SLC4A8: variants seen among roughly 807,000 people sequenced by gnomAD.
SLC4A8 encodes solute carrier family 4 member 8.
A neutral mutation model predicts 125.0 loss-of-function variants in SLC4A8; 40 were observed. The observed-to-expected ratio is 0.32, with a 90% CI of 0.25 to 0.42. SLC4A8 has a LOEUF of 0.42. SLC4A8 is among the 10% of genes least tolerant of loss of function. The pLI, the probability that SLC4A8 is intolerant of heterozygous loss-of-function variation, is 1.00. For synonymous variants in SLC4A8, 456 were observed against 476.0 expected, an observed-to-expected ratio of 0.96 and a Z score of 0.55; for missense variants, 863 against 1,355.1, an observed-to-expected ratio of 0.64 and a Z score of 5.70.
chr12:51,476,810 C>T (rs544000855), intron 16 of SLC4A8, among the ~76,000 whole-genome samples: 28 of 150,576 alleles, frequency 1.9e-4, no homozygotes, highest in African/African-American at 6.9e-4. Flanking sequence ...AGCCATTGGG[C>T]GGGGCATTAT....
chr12:51,455,241 T>C (rs1299098541), intron 5 of SLC4A8, among the ~76,000 whole-genome samples: 1 of 151,434 alleles, frequency 6.6e-6, no homozygotes, highest in African/African-American at 2.4e-5. Context: ...TGATCTCTCT[T>C]GCTTTTCCCC....
chr12:51,493,505 A>T (rs552575791), intron 19 of SLC4A8, among the ~76,000 whole-genome samples, 199 bp from the exon 20 acceptor site: 2 of 152,148 alleles, frequency 1.3e-5, no homozygotes, highest in East Asian at 3.9e-4. Flanking sequence ...TCATTTCAGA[A>T]CCAAATGATT....
At chr12:51,457,681 G>A in intron 6 of SLC4A8, 142 bp downstream of exon 6, 1 of 714,312 alleles carries the variant, frequency 1.4e-6, no homozygotes, top group Non-Finnish European at 2.3e-6. Context: ...TTTGGAGACT[G>A]GTAAGATTGG....
rs1455955932 is a variant in SLC4A8 at position 51,511,089 on chromosome 12, T to C, written c.*3651T>C. 3 of 152,220 alleles carry C rather than the reference T, an allele frequency of 2.0e-5. No individual in the cohort carries two copies. The highest frequency in any genetic ancestry group is 4.4e-5 in the Non-Finnish European group (3 of 68,044). The allele number at this position is 152,220 out of a possible 1,614,324, so 9.4% of individuals were successfully genotyped here. On this transcript the variant is annotated 3_prime_UTR_variant, in exon 25 of 25. Transcript: ENST00000453097. The stretch of plus-strand genomic sequence containing the variant: ...ATTTCCCATTGTTCATCTGTGAATG[T>C]TGATTGGCCAACCTGTCTGAGCTTT...
At chr12:51,424,759 C>G (rs909133669), upstream of SLC4A8, 3 of 492,330 alleles carry the variant, frequency 6.1e-6, no homozygotes, top group African/African-American at 2.0e-5. Context: ...TACCGCCGGA[C>G]AGCGTCCTCC....
chr12:51,465,095 G>C (rs1051376699), intron 11 of SLC4A8, among the ~76,000 whole-genome samples: 4 of 152,166 alleles, frequency 2.6e-5, no homozygotes, highest in African/African-American at 9.7e-5. Context: ...GGGAGGCCTG[G>C]TATTGAGAGG....
rs111404295 is a variant in SLC4A8, at chr12:51,448,966, G to A, written c.131-1910G>A. Among the ~76,000 whole-genome samples, 180 of 152,258 alleles carry A rather than the reference G, an allele frequency of 1.2e-3. 1 individual carries two copies. The highest frequency in any genetic ancestry group is 4.2e-3 in the African/African-American group (173 of 41,556). ...GGGAAGGTTTCTTTTTAAGAAGTCAGGAGAAACCTATGGCAGGGATGGATG... is the reference window on the plus strand; with the variant it reads ...GGGAAGGTTTCTTTTTAAGAAGTCAAGAGAAACCTATGGCAGGGATGGATG... On this transcript the variant is annotated intron_variant, in intron 2 of 24. Transcript: ENST00000453097.
At chr12:51,463,557 T>G in intron 10 of SLC4A8, 57 bp from the exon 11 acceptor site, 1 of 1,334,714 alleles carries the variant, frequency 7.5e-7, no homozygotes. Flanking sequence ...TCCCTGCTGA[T>G]AGCAGGACGA....
intron 2 of SLC4A8, among the ~76,000 whole-genome samples, chr12:51,446,414 G>C (rs943264868): frequency 1.3e-5 from 2 of 152,240 alleles, no homozygotes; most frequent in Non-Finnish European, 2.9e-5. Flanking sequence ...TTGGAAAACA[G>C]AGAGGGCAAA....
At chr12:51,474,660 C>T in intron 15 of SLC4A8, 1 of 817,596 alleles carries the variant, frequency 1.2e-6, no homozygotes, top group South Asian at 2.2e-5. Flanking sequence ...CTCCCCCCTA[C>T]ATCCTACCCA....
At chr12:51,416,042 A>G in intron 1 of SLC4A8, among the ~76,000 whole-genome samples, 2 of 151,688 alleles carry the variant, frequency 1.3e-5, no homozygotes, top group South Asian at 4.2e-4. Context: ...TACTTGGTAT[A>G]CCTTTGCTCA....
chr12:51,493,777 T>C lies in SLC4A8; in HGVS notation c.2769+5T>C. On this transcript the variant is annotated splice_donor_5th_base_variant and intron_variant, in intron 20 of 24. Transcript: ENST00000453097. The stretch of plus-strand genomic sequence containing the variant: ...TCTTCACTACAGGGAATTCAGGTAT[T>C]GTATGGTTCAGCCAGGGCAGTTTCT... 6.3e-7 allele frequency: 1 copy of C among 1,586,900 alleles called. No homozygotes were observed. Among genetic ancestry groups the C allele is most frequent in the Non-Finnish European group, 8.7e-7 (1 of 1,155,082 alleles).
chr12:51,463,510 G>T, intron 10 of SLC4A8, 104 bp from the exon 11 acceptor site: 1 of 720,258 alleles, frequency 1.4e-6, no homozygotes. Context: ...TACAAACACG[G>T]GCATTTTTGG....
chr12:51,485,767 C>A lies in SLC4A8; in HGVS notation c.2173-20C>A, dbSNP rs368064061. 2.1e-6 allele frequency: 3 copies of A among 1,396,300 alleles called. No individual in the cohort carries two copies. Among genetic ancestry groups the A allele is most frequent in the African/African-American group, 2.8e-5 (2 of 70,648 alleles). The allele number at this position is 1,396,300 out of a possible 1,614,324, so 86.5% of individuals were successfully genotyped here. On this transcript the variant is annotated intron_variant, in intron 16 of 24. Coordinates refer to ENST00000453097, the MANE Select transcript of SLC4A8 (RefSeq NM_001039960.3). Reference sequence around the variant, plus strand: ...GTATTTAACCTGCCAAAACATGTGTCCACTTCTTTCTCATGCCAGGTACGC... The same window carrying A: ...GTATTTAACCTGCCAAAACATGTGTACACTTCTTTCTCATGCCAGGTACGC...
chr12:51,419,838 G>A (rs1317124626), upstream of SLC4A8, among the ~76,000 whole-genome samples: 1 of 152,208 alleles, frequency 6.6e-6, no homozygotes, highest in Non-Finnish European at 1.5e-5. Flanking sequence ...GTGGTGTAAC[G>A]AAGTTCTGTG....
intron 1 of SLC4A8, among the ~76,000 whole-genome samples, chr12:51,431,825 G>A (rs571882633): frequency 6.6e-5 from 10 of 152,090 alleles, no homozygotes; most frequent in Non-Finnish European, 8.8e-5. Context: ...GTTCTGGAGC[G>A]CCAAGGATTT....
intron 1 of SLC4A8, among the ~76,000 whole-genome samples, chr12:51,426,305 T>C (rs1948975797): frequency 1.3e-5 from 2 of 152,164 alleles, no homozygotes; most frequent in Admixed American, 1.3e-4. Context: ...CTAACCCCCT[T>C]AAAGCCTATT....
chr12:51,440,818 G>C (rs748460759), intron 2 of SLC4A8, 29 bp downstream of exon 2: 2 of 1,572,288 alleles, frequency 1.3e-6, no homozygotes, highest in African/African-American at 1.4e-5. Flanking sequence ...TGTGATCAGG[G>C]AAATTGGTGA....
intron 2 of SLC4A8, among the ~76,000 whole-genome samples, chr12:51,444,465 T>C (rs1949707172): frequency 6.8e-6 from 1 of 146,936 alleles, no homozygotes; most frequent in Admixed American, 6.6e-5. Context: ...ATGTTCGTGA[T>C]AATTGATTGT....
Sources: gnomAD v4.1 joint callset for allele counts (sites outside exome capture counted in the v4.1 genomes callset) on GRCh38, gnomAD v4.1.1 for gene constraint, MANE v1.5 for transcripts, NCBI Gene and HGNC (gene_info 2026-07-23, HGNC 2026-07-21) for gene names.